PSMD1: variants seen among roughly 807,000 people sequenced by gnomAD.
PSMD1 encodes the protein proteasome 26S subunit, non-ATPase 1.
PSMD1 carries 18 observed loss-of-function variants against 119.0 expected under a neutral mutation model. The ratio of observed to expected loss-of-function variants is 0.15; its 90% CI spans 0.10 to 0.22. The LOEUF (loss-of-function observed/expected upper bound fraction) is 0.22, where lower values mean the gene tolerates loss of function less well. PSMD1 is among the 10% of genes least tolerant of loss of function. PSMD1 has a pLI of 1.00. For missense variants in PSMD1, 702 were observed against 1,158.5 expected (o/e 0.61, Z 5.72); for synonymous variants, 374 against 396.6 (o/e 0.94, Z 0.68).
chr2:231,106,800 T>G (rs919011647), intron 16 of PSMD1, among the ~76,000 whole-genome samples: 10 of 152,058 alleles, frequency 6.6e-5, no homozygotes, highest in African/African-American at 2.4e-4. Flanking sequence ...TGGGTAGAGT[T>G]TTGGCAATGT....
At chr2:231,071,830 C>T (rs567015623) in intron 6 of PSMD1, among the ~76,000 whole-genome samples, 2 of 152,212 alleles carry the variant, frequency 1.3e-5, no homozygotes, top group East Asian at 3.9e-4. Flanking sequence ...GAGTAACTTC[C>T]ATAATATATG....
chr2:231,102,474 C>T (rs1276638088), intron 16 of PSMD1, among the ~76,000 whole-genome samples: 1 of 152,104 alleles, frequency 6.6e-6, no homozygotes, highest in Non-Finnish European at 1.5e-5. Context: ...TTATGGATAA[C>T]ATACATAGTC....
chr2:231,093,970 A>G (rs1694663918), intron 16 of PSMD1, among the ~76,000 whole-genome samples: 1 of 152,194 alleles, frequency 6.6e-6, no homozygotes, highest in African/African-American at 2.4e-5. Flanking sequence ...TAGATGTTTA[A>G]TAATATATTG....
chr2:231,062,711 C>T (rs1370674558), intron 4 of PSMD1, 36 bp downstream of exon 4: 23 of 1,469,228 alleles, frequency 1.6e-5, no homozygotes, highest in East Asian at 2.4e-5. Flanking sequence ...TTTATCTTGT[C>T]GGCTTCTTTC....
At chr2:231,147,558 A>G (rs1271160893) in intron 18 of PSMD1, among the ~76,000 whole-genome samples, 2 of 152,242 alleles carry the variant, frequency 1.3e-5, no homozygotes, top group Admixed American at 1.3e-4. Context: ...AGTGTTTGAT[A>G]TCTCATGTAT....
intron 16 of PSMD1, chr2:231,123,497 T>C: frequency 6.2e-7 from 1 of 1,614,044 alleles, no homozygotes; most frequent in Non-Finnish European, 8.5e-7. Context: ...AGAAAGTAAT[T>C]AGTAGCATAC....
chr2:231,171,706 G>A (rs970963821), intron 24 of PSMD1, among the ~76,000 whole-genome samples: 6 of 151,932 alleles, frequency 3.9e-5, no homozygotes, highest in African/African-American at 1.5e-4. Flanking sequence ...ACAGGCATGC[G>A]CCACCACACC....
At chr2:231,065,858 G>C (rs1027500807) in intron 4 of PSMD1, among the ~76,000 whole-genome samples, 2 of 152,156 alleles carry the variant, frequency 1.3e-5, no homozygotes, top group Non-Finnish European at 2.9e-5. Flanking sequence ...GGGAGAAATA[G>C]GTTCCACCTA....
chr2:231,099,080 G>A (rs1236874718), intron 16 of PSMD1, among the ~76,000 whole-genome samples: 4 of 152,208 alleles, frequency 2.6e-5, no homozygotes, highest in Non-Finnish European at 4.4e-5. Context: ...ATAACGTTGA[G>A]TAGAGAGGGA....
intron 17 of PSMD1, 47 bp downstream of exon 17, chr2:231,138,897 G>GT: frequency 7.2e-7 from 1 of 1,381,810 alleles, no homozygotes; most frequent in Non-Finnish European, 1.0e-6. Context: ...GCGCCAGACT[G>GT]TTTTCCCTCG....
intron 16 of PSMD1, chr2:231,133,460 G>C (rs1695896343): frequency 6.6e-6 from 1 of 152,168 alleles, no homozygotes; most frequent in Admixed American, 6.5e-5. Context: ...AATTCCCTCT[G>C]AATTCTTACC....
intron 1 of PSMD1, among the ~76,000 whole-genome samples, chr2:231,057,794 A>G (rs980663083): frequency 1.3e-5 from 2 of 152,248 alleles, no homozygotes; most frequent in Admixed American, 1.3e-4. Context: ...GGAGTAAGTT[A>G]CAGAGATCAA....
chr2:231,149,740 T>A (rs1020863437), intron 18 of PSMD1, among the ~76,000 whole-genome samples: 2 of 152,206 alleles, frequency 1.3e-5, no homozygotes, highest in African/African-American at 2.4e-5. Flanking sequence ...AGTAGTCTAT[T>A]ACCACACTGT....
intron 1 of PSMD1, among the ~76,000 whole-genome samples, chr2:231,059,846 T>C (rs1213165894): frequency 2.0e-5 from 3 of 152,244 alleles, no homozygotes; most frequent in Non-Finnish European, 4.4e-5. Context: ...TTCTGTTTTG[T>C]TTTTAAGATG....
intron 16 of PSMD1, among the ~76,000 whole-genome samples, chr2:231,101,332 CT>C (rs974314226): frequency 2.0e-5 from 3 of 152,138 alleles, no homozygotes; most frequent in Non-Finnish European, 4.4e-5. Flanking sequence ...TCTTTTGAAG[CT>C]TTTGCAAAAC....
chr2:231,147,126 T>A (rs2125254971), intron 18 of PSMD1, among the ~76,000 whole-genome samples: 1 of 152,308 alleles, frequency 6.6e-6, no homozygotes, highest in African/African-American at 2.4e-5. Context: ...AAAGAGATCC[T>A]CTTCACATAT....
At chr2:231,113,986 C>G (rs1467386759) in intron 16 of PSMD1, 1 of 1,416,702 alleles carries the variant, frequency 7.1e-7, no homozygotes, top group African/African-American at 1.4e-5. Context: ...AACTTTCAGT[C>G]TACAGTTTTT....
At chr2:231,084,991 A>T (rs994702215) in intron 14 of PSMD1, 28 bp from the exon 15 acceptor site, 1 of 1,557,978 alleles carries the variant, frequency 6.4e-7, no homozygotes, top group African/African-American at 1.4e-5. Context: ...AAATAAGTTG[A>T]TGATTAATGT....
rs372380232 is a variant in PSMD1 at position 231,140,220 on chromosome 2, G to C, written c.1998+1370G>C. On this transcript the variant is annotated intron_variant, in intron 17 of 24. Coordinates refer to ENST00000308696, the MANE Select transcript of PSMD1 (RefSeq NM_002807.4). ...AAAGAATATTGGTATTGTGGGCCAGGCACTGTGGCTCACACCTGTAATCCC... is the reference window on the plus strand; with the variant it reads ...AAAGAATATTGGTATTGTGGGCCAGCCACTGTGGCTCACACCTGTAATCCC... Among the ~76,000 whole-genome samples, 192 of 152,212 alleles carry C rather than the reference G, an allele frequency of 1.3e-3. 1 individual carries two copies. Among genetic ancestry groups the C allele is most frequent in the African/African-American group, 4.3e-3 (180 of 41,522 alleles).
Sources: allele counts gnomAD v4.1 joint callset (sites outside exome capture counted in the v4.1 genomes callset), GRCh38; gene constraint gnomAD v4.1.1; transcripts MANE v1.5; gene names NCBI Gene and HGNC (gene_info 2026-07-23, HGNC 2026-07-21).